The following PCDHA13 variants were observed in gnomAD, a reference collection of about 807,000 sequenced individuals.
PCDHA13 encodes protocadherin alpha 13, also known as protocadherin alpha-13.
Under a neutral mutation model 64.8 loss-of-function variants are expected in PCDHA13, and 54 were observed. The observed-to-expected ratio is 0.83, with a 90% CI of 0.67 to 1.04. PCDHA13 has a LOEUF of 1.04. Among genes scored for constraint, PCDHA13 ranks in the 50% least tolerant of loss-of-function variants. The pLI, the probability that PCDHA13 is intolerant of heterozygous loss-of-function variation, is 0.00. For missense variants in PCDHA13, 1,248 were observed against 1,254.3 expected, an observed-to-expected ratio of 0.99 and a Z score of 0.08; for synonymous variants, 587 against 564.4, an observed-to-expected ratio of 1.04 and a Z score of -0.57.
intron 1 of PCDHA13, among the ~76,000 whole-genome samples, chr5:140,892,875 G>A (rs1041608064): frequency 1.3e-5 from 2 of 152,022 alleles, no homozygotes; most frequent in Non-Finnish European, 2.9e-5. Flanking sequence ...CTATAATTTC[G>A]TATCCATTAA....
At chr5:140,923,043 T>C (rs1274355780) in intron 1 of PCDHA13, among the ~76,000 whole-genome samples, 2 of 152,228 alleles carry the variant, frequency 1.3e-5, no homozygotes, top group Non-Finnish European at 1.5e-5. Context: ...ACATGTATAG[T>C]ATTTAGAATA....
chr5:140,923,566 C>T lies in PCDHA13; in HGVS notation c.2394+38904C>T, dbSNP rs149499154. ...AAATGAAATATCAGCAATGAAAGGT[C>T]CTGCTAAAGAGAAGGTTTGTTAATT... On this transcript the variant is annotated intron_variant, in intron 1 of 3. Coordinates refer to ENST00000289272, the MANE Select transcript of PCDHA13 (RefSeq NM_018904.3). 8.1e-3 allele frequency among the ~76,000 whole-genome samples: 1,228 copies of T among 152,208 alleles called. 6 individuals carry two copies. The highest frequency in any genetic ancestry group is 0.019 in the African/African-American group (794 of 41,538).
chr5:140,897,455 T>C (rs1376435296), intron 1 of PCDHA13, among the ~76,000 whole-genome samples: 1 of 151,682 alleles, frequency 6.6e-6, no homozygotes, highest in Non-Finnish European at 1.5e-5. Flanking sequence ...TTTTTGTCCT[T>C]GCGATAGTTT....
At position 140,884,214 on chromosome 5, in the gene PCDHA13, T is replaced by G; in HGVS notation, c.1946T>G (p.Val649Gly). Residue 649 changes from valine (V) to glycine (G), a missense_variant, in exon 1 of 4, where the codon GTG (valine) becomes GGG (glycine). Physicochemically the swap from Val to Gly is moderately radical, Grantham distance 109 (BLOSUM62 -3). Coordinates refer to ENST00000289272, the MANE Select transcript of PCDHA13 (RefSeq NM_018904.3). ...EVDAPHHRLLVLVKDHGEPAL... is the reference protein window; with the variant it reads ...EVDAPHHRLLGLVKDHGEPAL... ...GACGCGCCGCACCACCGCCTTCTGGTGCTGGTGAAGGACCACGGTGAGCCC... is the reference window on the plus strand; with the variant it reads ...GACGCGCCGCACCACCGCCTTCTGGGGCTGGTGAAGGACCACGGTGAGCCC... 6.2e-7 allele frequency: 1 copy of G among 1,613,446 alleles called. No individual in the cohort carries two copies. The highest frequency in any genetic ancestry group is 1.3e-5 in the African/African-American group (1 of 75,000).
Position 141,010,435 on chromosome 5 carries a change from A to C in PCDHA13, c.*498A>C. 1 of 1,039,068 alleles carries C rather than the reference A, an allele frequency of 9.6e-7. No individual in the cohort carries two copies. The highest frequency in any genetic ancestry group is 1.4e-6 in the Non-Finnish European group (1 of 739,892). The allele number at this position is 1,039,068 out of a possible 1,614,324, so 64.4% of individuals were successfully genotyped here. A position where few individuals can be genotyped will look rare whatever the true frequency, so the allele number is the denominator to read the frequency against. On this transcript the variant is annotated 3_prime_UTR_variant, in exon 4 of 4. Transcript: ENST00000289272. ...TGGTACAAGGAAGGCAAGAAAACAA[A>C]GACAAATAAACAGCGGAAGTTATCA...
rs185914290 is a variant in PCDHA13, at chr5:140,920,039, G to C, written c.2394+35377G>C. ...AGATGGAGACAGAGATTGGAGTGAT[G>C]TCAACAGCCACCAACACCTGGAAAA... On this transcript the variant is annotated intron_variant, in intron 1 of 3. Transcript: ENST00000289272. Among the ~76,000 whole-genome samples, 5 of 152,280 alleles carry C rather than the reference G, an allele frequency of 3.3e-5. No homozygotes were observed. In the South Asian group the frequency reaches 1.0e-3, roughly 32 times the overall value.
At chr5:141,000,393 CTCTATATATA>C (rs1279908183) in intron 3 of PCDHA13, among the ~76,000 whole-genome samples, 25 of 52,852 alleles carry the variant, frequency 4.7e-4, no homozygotes, top group South Asian at 8.2e-4. Flanking sequence ...CTCTCTCTCT[CTCTATATATA>C]TATATATATA....
intron 3 of PCDHA13, among the ~76,000 whole-genome samples, chr5:140,994,883 A>T (rs1197020328): frequency 6.6e-6 from 1 of 152,222 alleles, no homozygotes; most frequent in Non-Finnish European, 1.5e-5. Flanking sequence ...AAGAGATGTT[A>T]GGAAATGAGA....
At chr5:140,974,040 T>C (rs1554235767) in intron 1 of PCDHA13, among the ~76,000 whole-genome samples, 2 of 152,260 alleles carry the variant, frequency 1.3e-5, no homozygotes, top group African/African-American at 4.8e-5. Context: ...TTTAGCTTAT[T>C]AATATGATAA....
At chr5:141,000,361 GTC>G (rs148596731) in intron 3 of PCDHA13, among the ~76,000 whole-genome samples, 577 of 26,370 alleles carry the variant, frequency 0.022, 17 homozygotes, top group Admixed American at 0.027. Context: ...GTCTCTCTCT[GTC>G]TCTCTCTCTC....
chr5:140,884,085 G>A lies in PCDHA13; in HGVS notation c.1817G>A (p.Trp606Ter), dbSNP rs1181483962. The A allele has an allele frequency of 6.2e-7, 1 of 1,613,484 alleles. No homozygotes were observed. Among genetic ancestry groups the A allele is most frequent in the Non-Finnish European group, 8.5e-7 (1 of 1,179,764 alleles). ...GACGCCGATTCGGGCTACAATGCGT[G>A]GCTTTCGTATGAATTGCAGCTGGCG... ...AVDADSGYNAWLSYELQLAAV... is the reference protein window; with the variant it reads ...AVDADSGYNA The change falls in exon 1 of 4, where the codon TGG (tryptophan) becomes TAG (stop). Residue 606 changes from tryptophan to a stop codon, truncating the protein, a stop_gained. Transcript: ENST00000289272. LOFTEE classifies it high-confidence loss of function.
Position 140,971,633 on chromosome 5 carries a change from T to A in PCDHA13, c.2395-7316T>A, listed in dbSNP as rs540754440. 2.0e-5 allele frequency among the ~76,000 whole-genome samples: 3 copies of A among 152,294 alleles called. No individual in the cohort carries two copies. The South Asian group carries it at 6.2e-4, about 32-fold the overall frequency. On this transcript the variant is annotated intron_variant, in intron 1 of 3. Transcript: ENST00000289272. ...GAGTCCTGGGGTACAATTAGTACCA[T>A]GTGCCTACATTAAAAGTAGATGGGA...
At chr5:140,914,290 T>A (rs1412561039) in intron 1 of PCDHA13, among the ~76,000 whole-genome samples, 1 of 152,200 alleles carries the variant, frequency 6.6e-6, no homozygotes, top group Non-Finnish European at 1.5e-5. Context: ...AATTGTTATA[T>A]CCTCTTGCTG....
In PCDHA13 at chr5:141,011,530, T is replaced by C. The variant is rs1427621980; in HGVS notation, c.*1593T>C. 7 of 153,810 alleles carry C rather than the reference T, an allele frequency of 4.6e-5. No individual in the cohort carries two copies. The highest frequency in any genetic ancestry group is 1.7e-4 in the African/African-American group (7 of 41,470). The allele number at this position is 153,810 out of a possible 1,614,324, so 9.5% of individuals were successfully genotyped here. Reference sequence around the variant, plus strand: ...TGGAGTAGTGTTTTTTTAACCATTGTTAATCAGCTTTTGTGTATGAAAGAC... The same window carrying C: ...TGGAGTAGTGTTTTTTTAACCATTGCTAATCAGCTTTTGTGTATGAAAGAC... On this transcript the variant is annotated 3_prime_UTR_variant, in exon 4 of 4. Transcript: ENST00000289272.
At chr5:140,915,982 G>A (rs1563009608) in intron 1 of PCDHA13, among the ~76,000 whole-genome samples, 3 of 152,230 alleles carry the variant, frequency 2.0e-5, no homozygotes, top group South Asian at 2.1e-4. Flanking sequence ...ATTTGACTAC[G>A]GCTAAGCTGG....
At chr5:141,005,822 C>T (rs1248291613) in intron 3 of PCDHA13, among the ~76,000 whole-genome samples, 2 of 151,298 alleles carry the variant, frequency 1.3e-5, no homozygotes, top group Non-Finnish European at 2.9e-5. Context: ...GTATGGTGGC[C>T]TGTAGTCCCA....
At chr5:140,888,309 C>T (rs1175163005) in intron 1 of PCDHA13, among the ~76,000 whole-genome samples, 1 of 152,138 alleles carries the variant, frequency 6.6e-6, no homozygotes, top group Admixed American at 6.5e-5. Context: ...GATAATTTGG[C>T]AATGCCTGGA....
chr5:141,010,315 T>G lies in PCDHA13; in HGVS notation c.*378T>G. ...AGGGCAGGCTGAAAAGTTTTGAGAT[T>G]GAGCAGCTTGGGAGTTTGTGGCCAC... On this transcript the variant is annotated 3_prime_UTR_variant, in exon 4 of 4. Transcript: ENST00000289272. 2.6e-6 allele frequency: 4 copies of G among 1,546,626 alleles called. No homozygotes were observed. Among genetic ancestry groups the G allele is most frequent in the Non-Finnish European group, 3.5e-6 (4 of 1,145,530 alleles).
intron 1 of PCDHA13, chr5:140,929,344 A>G: frequency 6.5e-7 from 1 of 1,531,050 alleles, no homozygotes; most frequent in South Asian, 1.3e-5. Flanking sequence ...ATTTTATGGA[A>G]TTTGATTCCT....
Sources: gnomAD v4.1 joint callset for allele counts (sites outside exome capture counted in the v4.1 genomes callset) on GRCh38, gnomAD v4.1.1 for gene constraint, MANE v1.5 for transcripts, NCBI Gene and HGNC (gene_info 2026-07-23, HGNC 2026-07-21) for gene names.